The following KLF12 variants were observed in gnomAD, a reference collection of about 807,000 sequenced individuals.
KLF12 encodes KLF transcription factor 12.
A neutral mutation model predicts 37.8 loss-of-function variants in KLF12; 9 were observed. That is an observed-to-expected ratio of 0.24 (90% confidence interval 0.14 to 0.42). The LOEUF is 0.42. Ranked by LOEUF, KLF12 falls within the 10% of genes least tolerant of loss-of-function variation. The pLI is 1.00. For missense variants in KLF12, 411 were observed against 516.0 expected, an observed-to-expected ratio of 0.80 and a Z score of 1.97; for synonymous variants, 208 against 202.1, an observed-to-expected ratio of 1.03 and a Z score of -0.25.
chr13:73,757,233 G>A (rs993554496), intron 6 of KLF12, among the ~76,000 whole-genome samples: 4 of 152,148 alleles, frequency 2.6e-5, no homozygotes, highest in South Asian at 2.1e-4. Flanking sequence ...ATTTCAGCAG[G>A]GTCCTCAGCC....
At chr13:74,222,842 C>T in the KLF12 span, among the ~76,000 whole-genome samples, 1 of 152,030 alleles carries the variant, frequency 6.6e-6, no homozygotes, top group Non-Finnish European at 1.5e-5. Context: ...TGGTATTGTT[C>T]CTTAAAATAG....
intron 1 of KLF12, among the ~76,000 whole-genome samples, chr13:74,123,438 T>C (rs937357978): frequency 1.3e-5 from 2 of 152,264 alleles, no homozygotes; most frequent in Non-Finnish European, 1.5e-5. Context: ...TGGGCTTGCC[T>C]TTCGGCTTAG....
At chr13:74,163,366 GAT>G in the KLF12 span, among the ~76,000 whole-genome samples, 234 of 152,188 alleles carry the variant, frequency 1.5e-3, 2 homozygotes, top group African/African-American at 5.2e-3. Flanking sequence ...AAGAAAATGT[GAT>G]ATATATACAC....
chr13:74,302,601 G>A, the KLF12 span, among the ~76,000 whole-genome samples: 1 of 152,168 alleles, frequency 6.6e-6, no homozygotes, highest in African/African-American at 2.4e-5. Flanking sequence ...ATTTTCCGTT[G>A]GAGAAACTGC....
At chr13:74,204,543 T>C in the KLF12 span, among the ~76,000 whole-genome samples, 1 of 152,210 alleles carries the variant, frequency 6.6e-6, no homozygotes, top group Non-Finnish European at 1.5e-5. Flanking sequence ...ATCTGTCAAC[T>C]CTAAAATCTT....
intron 5 of KLF12, among the ~76,000 whole-genome samples, chr13:73,765,947 CAGTTCTCTGTAGTTGTTTAATA>C (rs138601733): frequency 0.014 from 2,197 of 152,254 alleles, 147 homozygotes; most frequent in Admixed American, 0.12. Flanking sequence ...GTAAGAAACC[CAGTTCTCTGTAGTTGTTTAATA>C]AGTGAAAATC....
rs145824272 is a variant in KLF12, at chr13:73,942,498, C to A, written c.123+1483G>T. Reference sequence around the variant, plus strand: ...CTCTAAAGAACTAAGACAAATCCTCCCCATGGTTAGGTTAATCAATAAAGG... The same window carrying A: ...CTCTAAAGAACTAAGACAAATCCTCACCATGGTTAGGTTAATCAATAAAGG... On this transcript the variant is annotated intron_variant, in intron 3 of 7. Transcript: ENST00000377669. Among the ~76,000 whole-genome samples, 18 of 151,914 alleles carry A rather than the reference C, an allele frequency of 1.2e-4. No homozygotes were observed. In the East Asian group the frequency reaches 3.5e-3, roughly 29 times the overall value.
intron 1 of KLF12, among the ~76,000 whole-genome samples, chr13:74,007,335 G>A (rs1343390451): frequency 6.6e-6 from 1 of 151,690 alleles, no homozygotes; most frequent in Non-Finnish European, 1.5e-5. Context: ...GAGTGCAGTG[G>A]CGCGATCTCG....
rs1593881805 is a variant in KLF12, at chr13:74,079,205, T to TGGGGCTG, written c.-32+54533_-32+54534insCAGCCCC. 4.0e-5 allele frequency among the ~76,000 whole-genome samples: 5 copies of TGGGGCTG among 125,072 alleles called. No individual in the cohort carries two copies. The South Asian group carries it at 1.2e-3, about 29-fold the overall frequency. The allele number at this position is 125,072 out of a possible 152,430, so 82.1% of individuals were successfully genotyped here. Reference sequence around the variant, plus strand: ...CAGTCAAATTCGTAGAGACACAAAATAGAACGGGTACCAGGGGCTGAGGGG... The same window carrying TGGGGCTG: ...CAGTCAAATTCGTAGAGACACAAAATGGGGCTGAGAACGGGTACCAGGGGCTGAGGGG... On this transcript the variant is annotated intron_variant, in intron 1 of 7. Coordinates refer to ENST00000377669, the MANE Select transcript of KLF12 (RefSeq NM_007249.5).
At chr13:73,748,030 C>T (rs1878489906) in intron 6 of KLF12, among the ~76,000 whole-genome samples, 1 of 152,172 alleles carries the variant, frequency 6.6e-6, no homozygotes, top group South Asian at 2.1e-4. Flanking sequence ...TGAAAACTGA[C>T]TTCATTGTTT....
chr13:73,899,592 C>T (rs960043392), intron 3 of KLF12, among the ~76,000 whole-genome samples: 3 of 152,106 alleles, frequency 2.0e-5, no homozygotes, highest in African/African-American at 4.8e-5. Flanking sequence ...GAAAGACTGA[C>T]ATTTGAATCA....
chr13:73,805,981 T>C (rs116553095), intron 5 of KLF12, among the ~76,000 whole-genome samples: 3,952 of 152,136 alleles, frequency 0.026, 168 homozygotes, highest in African/African-American at 0.09. Flanking sequence ...ATTTTCATAT[T>C]TTTGTAGAGA....
At chr13:73,820,792 T>C (rs889742832) in intron 4 of KLF12, among the ~76,000 whole-genome samples, 3 of 152,234 alleles carry the variant, frequency 2.0e-5, no homozygotes, top group Non-Finnish European at 4.4e-5. Context: ...TAGTGCAAGG[T>C]CCACTTCTCA....
chr13:74,250,715 G>T, the KLF12 span, among the ~76,000 whole-genome samples: 3 of 152,134 alleles, frequency 2.0e-5, no homozygotes, highest in South Asian at 2.1e-4. Context: ...AAAGATCAAG[G>T]CTGTTTAGGA....
the KLF12 span, chr13:74,260,045 G>T: frequency 6.6e-6 from 1 of 152,080 alleles, no homozygotes; most frequent in Admixed American, 6.5e-5. Context: ...AAAGGTGGAG[G>T]CTGTTTCTTT....
At chr13:73,723,920 T>C (rs11842922) in intron 6 of KLF12, among the ~76,000 whole-genome samples, 6,218 of 152,080 alleles carry the variant, frequency 0.041, 442 homozygotes, top group African/African-American at 0.14. Context: ...TGCGGAGAAA[T>C]AGGAACACTA....
At chr13:74,041,798 G>A (rs989393168) in intron 1 of KLF12, among the ~76,000 whole-genome samples, 9 of 151,982 alleles carry the variant, frequency 5.9e-5, no homozygotes, top group Middle Eastern at 3.4e-3. Context: ...AATCTCCTGA[G>A]TCAGAATGCT....
chr13:73,937,794 T>A (rs1890015401), intron 3 of KLF12, among the ~76,000 whole-genome samples: 1 of 152,244 alleles, frequency 6.6e-6, no homozygotes, highest in Non-Finnish European at 1.5e-5. Flanking sequence ...TTCCTTGTAT[T>A]AATATATTTA....
At chr13:74,248,786 T>A in the KLF12 span, among the ~76,000 whole-genome samples, 1 of 152,088 alleles carries the variant, frequency 6.6e-6, no homozygotes, top group Admixed American at 6.5e-5. Context: ...TAACTGGGAT[T>A]GGAGTTTTAC....
Sources: allele counts gnomAD v4.1 joint callset (sites outside exome capture counted in the v4.1 genomes callset), GRCh38; gene constraint gnomAD v4.1.1; transcripts MANE v1.5; gene names NCBI Gene and HGNC (gene_info 2026-07-23, HGNC 2026-07-21).